The following NCOA1 variants were observed in gnomAD, a reference collection of about 807,000 sequenced individuals.
The protein encoded by NCOA1 is nuclear receptor coactivator 1.
Under a neutral mutation model 150.9 loss-of-function variants are expected in NCOA1, and 35 were observed. The observed-to-expected ratio is 0.23, with a 90% CI of 0.18 to 0.31. The LOEUF is 0.31. Among genes scored for constraint, NCOA1 ranks in the 10% least tolerant of loss-of-function variants. The pLI is 1.00. For synonymous variants in NCOA1, 590 were observed against 630.0 expected, an observed-to-expected ratio of 0.94 and a Z score of 0.95; for missense variants, 1,491 against 1,749.3, an observed-to-expected ratio of 0.85 and a Z score of 2.63.
chr2:24,670,480 A>G (rs1263583630), intron 6 of NCOA1, among the ~76,000 whole-genome samples: 5 of 152,268 alleles, frequency 3.3e-5, no homozygotes, highest in African/African-American at 1.2e-4. Context: ...ATGAAGGACT[A>G]TTATTAGGCA....
At chr2:24,642,022 G>GTGTGTT (rs1399214182) in intron 3 of NCOA1, among the ~76,000 whole-genome samples, 72 of 141,162 alleles carry the variant, frequency 5.1e-4, no homozygotes, top group Non-Finnish European at 7.3e-4. Context: ...GTGTGTGTGT[G>GTGTGTT]TGTGTGTGTG....
rs746382762 is a variant in NCOA1 at position 24,768,467 on chromosome 2, T to C, written c.*76T>C. On this transcript the variant is annotated 3_prime_UTR_variant, in exon 23 of 23. Coordinates refer to ENST00000348332, the MANE Select transcript of NCOA1 (RefSeq NM_003743.5). The stretch of plus-strand genomic sequence containing the variant: ...AAATATATTATATATTTTTCTGAGA[T>C]TTTTGATATCTCAATCTGCAGCCAT... 3 of 1,057,178 alleles carry C rather than the reference T, an allele frequency of 2.8e-6. No individual in the cohort carries two copies. Among genetic ancestry groups the C allele is most frequent in the Non-Finnish European group, 3.7e-6 (3 of 809,922 alleles). 65.5% of individuals were successfully genotyped at this position (1,057,178 alleles called of 1,614,324 possible). A position where few individuals can be genotyped will look rare whatever the true frequency, so the allele number is the denominator to read the frequency against.
rs762764024 is a variant in NCOA1 at position 24,767,607 on chromosome 2, CA to C, written c.4156-613del. 5.3e-5 allele frequency among the ~76,000 whole-genome samples: 8 copies of C among 152,142 alleles called. No homozygotes were observed. In the East Asian group the frequency reaches 1.2e-3, roughly 22 times the overall value. ...TCATGTGTTTAAATGGATTGTCTAT[CA>C]GGGGAAAAAAGTCAAATATGAAATT... On this transcript the variant is annotated intron_variant, in intron 22 of 22. Coordinates refer to ENST00000348332, the MANE Select transcript of NCOA1 (RefSeq NM_003743.5).
chr2:24,540,460 C>CTT (rs781276405), intron 1 of NCOA1, among the ~76,000 whole-genome samples: 3 of 136,440 alleles, frequency 2.2e-5, no homozygotes, highest in Admixed American at 7.3e-5. Flanking sequence ...GGAGAACTGG[C>CTT]TTTTTTTTTT....
intron 3 of NCOA1, among the ~76,000 whole-genome samples, chr2:24,635,393 G>C (rs764898161): frequency 3.3e-5 from 5 of 152,002 alleles, no homozygotes; most frequent in Non-Finnish European, 7.4e-5. Flanking sequence ...TGAGCAAGCT[G>C]TTCTGGGGAT....
chr2:24,639,296 T>A lies in NCOA1; in HGVS notation c.-174-4670T>A, dbSNP rs938591350. On this transcript the variant is annotated intron_variant, in intron 3 of 22. Transcript: ENST00000348332. ...TATTTTAATAAATAAAATAAAAAAA[T>A]TAATTTTTTGAGATTTTTCATGTTA... Among the ~76,000 whole-genome samples, 14 of 152,134 alleles carry A rather than the reference T, an allele frequency of 9.2e-5. No individual in the cohort carries two copies. The Middle Eastern group carries it at 0.017, about 185-fold the overall frequency.
intron 1 of NCOA1, among the ~76,000 whole-genome samples, chr2:24,503,646 C>CTTAGTTT (rs1355577717): frequency 7.9e-5 from 12 of 151,418 alleles, no homozygotes; most frequent in Non-Finnish European, 1.3e-4. Context: ...GAGTGTATGG[C>CTTAGTTT]TTAGTTTTTA....
At chr2:24,579,876 C>T (rs1244805929) in intron 2 of NCOA1, among the ~76,000 whole-genome samples, 1 of 152,172 alleles carries the variant, frequency 6.6e-6, no homozygotes, top group African/African-American at 2.4e-5. Flanking sequence ...CTCCCGCTGC[C>T]AACCAGAAAG....
chr2:24,758,055 G>A lies in NCOA1; in HGVS notation c.3964G>A (p.Ala1322Thr), dbSNP rs1461021119. Residue 1322 changes from alanine (A) to threonine (T), a missense_variant, in exon 21 of 23, where the codon GCA (alanine) becomes ACA (threonine). Ala to Thr is a moderately conservative substitution (Grantham distance 58). Transcript: ENST00000348332. Reference sequence around the variant, plus strand: ...CAACATGAGCATCACCGTTTCCATGGCAGGTGGAAATACGAATGTTCAGAA... The same window carrying A: ...CAACATGAGCATCACCGTTTCCATGACAGGTGGAAATACGAATGTTCAGAA... The part of the protein sequence containing the change: ...YNNMSITVSM[A>T]GGNTNVQNMN... The A allele has an allele frequency of 1.2e-6, 2 of 1,614,012 alleles. No homozygotes were observed. The highest frequency in any genetic ancestry group is 1.3e-5 in the African/African-American group (1 of 74,908).
At chr2:24,695,417 C>G (rs762691961) in intron 10 of NCOA1, among the ~76,000 whole-genome samples, 12 of 152,074 alleles carry the variant, frequency 7.9e-5, no homozygotes, top group Non-Finnish European at 1.5e-4. Context: ...ATGTGGAGCC[C>G]TTTCTTGTAT....
chr2:24,521,855 T>A (rs1282039674), intron 1 of NCOA1, among the ~76,000 whole-genome samples: 1 of 152,204 alleles, frequency 6.6e-6, no homozygotes, highest in Non-Finnish European at 1.5e-5. Context: ...CAACAATGTA[T>A]AAGGTTTCCC....
At chr2:24,738,300 AT>A (rs939145705) in intron 17 of NCOA1, among the ~76,000 whole-genome samples, 10 of 151,496 alleles carry the variant, frequency 6.6e-5, no homozygotes, top group Non-Finnish European at 1.5e-4. Context: ...AGTATATATA[AT>A]TTGTGTTTTA....
At chr2:24,687,264 T>C (rs1261657829) in intron 8 of NCOA1, among the ~76,000 whole-genome samples, 1 of 152,228 alleles carries the variant, frequency 6.6e-6, no homozygotes, top group Non-Finnish European at 1.5e-5. Flanking sequence ...TAGCTTTCTT[T>C]GTAGACACCT....
intron 11 of NCOA1, among the ~76,000 whole-genome samples, chr2:24,699,390 A>G (rs1028113897): frequency 2.0e-5 from 3 of 152,204 alleles, no homozygotes; most frequent in African/African-American, 7.2e-5. Flanking sequence ...GAAGGTTTCT[A>G]AACCTTCAAC....
chr2:24,536,293 A>T (rs1665139290), intron 1 of NCOA1, among the ~76,000 whole-genome samples: 2 of 152,110 alleles, frequency 1.3e-5, no homozygotes, highest in South Asian at 4.2e-4. Context: ...CGTGGTTTTC[A>T]GCTCCATCAG....
chr2:24,658,690 G>C lies in NCOA1; in HGVS notation c.13G>C (p.Gly5Arg). ...GAAGTTTTTCAACATGAGTGGCCTC[G>C]GGGACAGTTCATCCGACCCTGCTAA... is the stretch of plus-strand genomic sequence containing the variant. MSGL[G>R]DSSSDPANPD... The change falls in exon 5 of 23, where the codon GGG becomes CGG. Residue 5 changes from glycine (G) to arginine (R), a missense_variant. This residue lies in a region of NCOA1 where 40 missense variants were observed against 39.6 expected (regional missense o/e 1.01). Coordinates refer to ENST00000348332, the MANE Select transcript of NCOA1 (RefSeq NM_003743.5). 1 of 1,613,934 alleles carries C rather than the reference G, an allele frequency of 6.2e-7. No individual in the cohort carries two copies. The highest frequency in any genetic ancestry group is 8.5e-7 in the Non-Finnish European group (1 of 1,179,888).
At chr2:24,529,839 C>A (rs1387489983) in intron 1 of NCOA1, among the ~76,000 whole-genome samples, 2 of 152,128 alleles carry the variant, frequency 1.3e-5, no homozygotes, top group Non-Finnish European at 1.5e-5. Context: ...TATAAAAAAG[C>A]AGCCATATTT....
At chr2:24,533,882 A>G (rs1436029696) in intron 1 of NCOA1, among the ~76,000 whole-genome samples, 1 of 152,178 alleles carries the variant, frequency 6.6e-6, no homozygotes, top group Non-Finnish European at 1.5e-5. Context: ...GTTGTTCATC[A>G]GGGATATTGG....
intron 21 of NCOA1, among the ~76,000 whole-genome samples, chr2:24,759,130 G>C (rs927107804): frequency 6.6e-6 from 1 of 152,162 alleles, no homozygotes; most frequent in African/African-American, 2.4e-5. Flanking sequence ...AGATAGCCTT[G>C]TGGGACATGC....
Sources: allele counts gnomAD v4.1 joint callset (sites outside exome capture counted in the v4.1 genomes callset), GRCh38; gene constraint gnomAD v4.1.1; regional missense constraint gnomAD v4.1.1; transcripts MANE v1.5; gene names NCBI Gene and HGNC (gene_info 2026-07-23, HGNC 2026-07-21).